The following VAV3 variants were observed in gnomAD, a reference collection of about 807,000 sequenced individuals.
VAV3 encodes vav guanine nucleotide exchange factor 3.
In VAV3, 94 loss-of-function variants were observed where a neutral mutation model predicts 131.2. That is an observed-to-expected ratio of 0.72 (90% CI 0.61 to 0.85). VAV3 has a LOEUF of 0.85. Among genes scored for constraint, VAV3 ranks in the 40% least tolerant of loss-of-function variants. The pLI, the probability that VAV3 is intolerant of heterozygous loss-of-function variation, is 0.00. For synonymous variants in VAV3, 349 were observed against 342.0 expected (o/e 1.02, Z -0.22); for missense variants, 939 against 1,002.7 (o/e 0.94, Z 0.86).
At position 107,828,492 on chromosome 1, in the gene VAV3, C is replaced by T. The variant is rs563892483; in HGVS notation, c.321+46409G>A. Among the ~76,000 whole-genome samples, 10 of 152,124 alleles carry T rather than the reference C, an allele frequency of 6.6e-5. No individual in the cohort carries two copies. In the South Asian group the frequency reaches 1.5e-3, roughly 22 times the overall value. ...ATGCATCTCACTTAAGCCAGTGAGA[C>T]GCATGTTGAATTTTTGACTTACAAA... On this transcript the variant is annotated intron_variant, in intron 2 of 26. Coordinates refer to ENST00000370056, the MANE Select transcript of VAV3 (RefSeq NM_006113.5).
intron 2 of VAV3, among the ~76,000 whole-genome samples, chr1:107,801,252 C>T (rs914805980): frequency 6.6e-6 from 1 of 152,034 alleles, no homozygotes; most frequent in Admixed American, 6.6e-5. Flanking sequence ...TGTGATGCCT[C>T]CAGCTTTGTA....
intron 15 of VAV3, among the ~76,000 whole-genome samples, chr1:107,738,354 A>T (rs1662804989): frequency 6.6e-6 from 1 of 152,120 alleles, no homozygotes; most frequent in African/African-American, 2.4e-5. Context: ...AAAGCATATT[A>T]AAAAAAAGAA....
chr1:107,600,709 A>G (rs112665496), intron 24 of VAV3, among the ~76,000 whole-genome samples: 2,703 of 152,194 alleles, frequency 0.018, 87 homozygotes, highest in African/African-American at 0.062. Context: ...TCATGTATCT[A>G]TGTCTACCAA....
At position 107,571,711 on chromosome 1, in the gene VAV3, C is replaced by T. The variant is rs1395089871; in HGVS notation, c.*1620G>A. Reference sequence around the variant, plus strand: ...ATTTTTGTGATCATTTACACATATACAAAGACTTAAATGGTTTTAGCAAAT... The same window carrying T: ...ATTTTTGTGATCATTTACACATATATAAAGACTTAAATGGTTTTAGCAAAT... On this transcript the variant is annotated 3_prime_UTR_variant, in exon 27 of 27. Coordinates refer to ENST00000370056, the MANE Select transcript of VAV3 (RefSeq NM_006113.5). The T allele has an allele frequency of 6.6e-6, 1 of 152,606 alleles. No homozygotes were observed. The highest frequency in any genetic ancestry group is 1.5e-5 in the Non-Finnish European group (1 of 68,016). The allele number at this position is 152,606 out of a possible 1,614,324, so 9.5% of individuals were successfully genotyped here. A position where few individuals can be genotyped will look rare whatever the true frequency, so the allele number is the denominator to read the frequency against.
intron 7 of VAV3, among the ~76,000 whole-genome samples, chr1:107,766,972 T>C (rs1190954884): frequency 6.6e-6 from 1 of 152,226 alleles, no homozygotes; most frequent in Non-Finnish European, 1.5e-5. Flanking sequence ...TGTAAAAATA[T>C]GTATAGCTTA....
chr1:107,807,571 G>A (rs1466008763), intron 2 of VAV3, among the ~76,000 whole-genome samples: 1 of 152,162 alleles, frequency 6.6e-6, no homozygotes, highest in Non-Finnish European at 1.5e-5. Context: ...TGTGCAATGT[G>A]CACATAGCAA....
At chr1:107,942,705 C>A (rs942293070) in intron 1 of VAV3, among the ~76,000 whole-genome samples, 1 of 152,096 alleles carries the variant, frequency 6.6e-6, no homozygotes, top group Non-Finnish European at 1.5e-5. Context: ...CCTTGATATT[C>A]TAAGAAAACC....
chr1:107,710,066 T>C (rs1013718988), intron 15 of VAV3, among the ~76,000 whole-genome samples: 1 of 152,204 alleles, frequency 6.6e-6, no homozygotes, highest in Non-Finnish European at 1.5e-5. Flanking sequence ...AAAATGAACA[T>C]TTTTCTCTAT....
At chr1:107,584,316 C>T (rs1228595876) in intron 25 of VAV3, among the ~76,000 whole-genome samples, 1 of 152,160 alleles carries the variant, frequency 6.6e-6, no homozygotes, top group African/African-American at 2.4e-5. Flanking sequence ...TAGAAGAAAA[C>T]CTAGGCATTA....
chr1:107,631,844 A>G (rs142783200), intron 20 of VAV3, among the ~76,000 whole-genome samples: 1 of 152,108 alleles, frequency 6.6e-6, no homozygotes, highest in Non-Finnish European at 1.5e-5. Context: ...TTCATGGTGT[A>G]TATCTGCCAC....
At chr1:107,691,261 C>T (rs1371016811) in intron 17 of VAV3, among the ~76,000 whole-genome samples, 2 of 152,146 alleles carry the variant, frequency 1.3e-5, no homozygotes, top group African/African-American at 4.8e-5. Flanking sequence ...AGTAAAGTTT[C>T]ATTCTGGCTG....
At chr1:107,750,430 C>T (rs555508300) in intron 13 of VAV3, among the ~76,000 whole-genome samples, 6 of 152,028 alleles carry the variant, frequency 3.9e-5, no homozygotes, top group African/African-American at 1.2e-4. Context: ...GATTAACACA[C>T]ATTTTTTTTA....
chr1:107,893,785 A>C (rs1385854336), intron 1 of VAV3, among the ~76,000 whole-genome samples: 1 of 152,212 alleles, frequency 6.6e-6, no homozygotes. Context: ...CAAAGTTATA[A>C]GAAACTTATT....
chr1:107,773,446 T>C (rs1665162462), intron 4 of VAV3, among the ~76,000 whole-genome samples: 1 of 152,230 alleles, frequency 6.6e-6, no homozygotes, highest in Non-Finnish European at 1.5e-5. Flanking sequence ...CAGCATCTAA[T>C]CCAGTGGTTT....
chr1:107,881,795 C>A (rs1670795094), intron 1 of VAV3, among the ~76,000 whole-genome samples: 1 of 152,194 alleles, frequency 6.6e-6, no homozygotes, highest in Non-Finnish European at 1.5e-5. Context: ...GTAGCTACCA[C>A]AACAGACAAG....
intron 20 of VAV3, among the ~76,000 whole-genome samples, chr1:107,631,193 A>G (rs1408420634): frequency 6.6e-6 from 1 of 152,066 alleles, no homozygotes; most frequent in Non-Finnish European, 1.5e-5. Flanking sequence ...TTATTTACAG[A>G]TATATAAAAT....
chr1:107,571,815 T>C lies in VAV3; in HGVS notation c.*1516A>G, dbSNP rs2100968190. ...TGAATCTATCCTAGATGAAAAGTCC[T>C]AGCCCATGAGGGTCTCTAACAGGGG... is the stretch of plus-strand genomic sequence containing the variant. On this transcript the variant is annotated 3_prime_UTR_variant, in exon 27 of 27. Transcript: ENST00000370056. 1 of 152,812 alleles carries C rather than the reference T, an allele frequency of 6.5e-6. No homozygotes were observed. Among genetic ancestry groups the C allele is most frequent in the Non-Finnish European group, 1.5e-5 (1 of 68,030 alleles). 9.5% of individuals were successfully genotyped at this position (152,812 alleles called of 1,614,324 possible). A position where few individuals can be genotyped will look rare whatever the true frequency, so the allele number is the denominator to read the frequency against.
intron 19 of VAV3, among the ~76,000 whole-genome samples, chr1:107,659,300 C>T (rs1281957785): frequency 1.3e-5 from 2 of 151,998 alleles, no homozygotes; most frequent in South Asian, 2.1e-4. Context: ...GTATAAAAGG[C>T]CTGACTTGTT....
At chr1:107,951,592 C>T (rs1247938719) in intron 1 of VAV3, among the ~76,000 whole-genome samples, 1 of 152,054 alleles carries the variant, frequency 6.6e-6, no homozygotes, top group Non-Finnish European at 1.5e-5. Flanking sequence ...GGCCTAATAT[C>T]CAGCATCTAT....
Sources: allele counts gnomAD v4.1 joint callset (sites outside exome capture counted in the v4.1 genomes callset), GRCh38; gene constraint gnomAD v4.1.1; transcripts MANE v1.5; gene names NCBI Gene and HGNC (gene_info 2026-07-23, HGNC 2026-07-21).